The following TMEM163 variants were observed in gnomAD, a reference collection of about 807,000 sequenced individuals.
TMEM163 encodes transmembrane protein 163.
A neutral mutation model predicts 29.3 loss-of-function variants in TMEM163; 17 were observed. That is an observed-to-expected ratio of 0.58 (90% CI 0.40 to 0.87). The LOEUF is 0.87. Among genes scored for constraint, TMEM163 ranks in the 40% least tolerant of loss-of-function variants. The pLI is 0.00. For missense variants in TMEM163, 303 were observed against 381.5 expected (o/e 0.79, Z 1.71); for synonymous variants, 157 against 160.6 (o/e 0.98, Z 0.17).
chr2:134,483,041 A>C (rs1321682727), intron 5 of TMEM163, among the ~76,000 whole-genome samples: 1 of 152,068 alleles, frequency 6.6e-6, no homozygotes, highest in Non-Finnish European at 1.5e-5. Flanking sequence ...GGGTCACAGG[A>C]AGCCACAGCA....
chr2:134,466,652 G>C (rs1185940484), intron 5 of TMEM163: 1 of 163,384 alleles, frequency 6.1e-6, no homozygotes, highest in Non-Finnish European at 1.3e-5. Context: ...TCCTTCAACA[G>C]AGCCAACTGA....
chr2:134,703,769 G>A (rs1227121176), intron 2 of TMEM163, among the ~76,000 whole-genome samples: 2 of 150,514 alleles, frequency 1.3e-5, no homozygotes, highest in Admixed American at 1.3e-4. Flanking sequence ...AGAATGAGGG[G>A]GAAATAAGAG....
intron 4 of TMEM163, among the ~76,000 whole-genome samples, chr2:134,507,529 T>G (rs1327926088): frequency 6.6e-6 from 1 of 152,150 alleles, no homozygotes; most frequent in Admixed American, 6.5e-5. Flanking sequence ...ATCTGTGTTT[T>G]AATAAGCCCT....
At position 134,592,425 on chromosome 2, in the gene TMEM163, TA is replaced by T. The variant is rs199806203; in HGVS notation, c.323-40335del. Among the ~76,000 whole-genome samples the T allele has an allele frequency of 2.1e-3, 321 of 152,324 alleles. 4 individuals carry two copies. The highest frequency in any genetic ancestry group is 0.017 in the Admixed American group (263 of 15,298). ...CAAGGAAATATATTTTGGGTTAAAA[TA>T]TTTTTTTTCCTTCAGGGCCTATCTG... On this transcript the variant is annotated intron_variant, in intron 2 of 7. Coordinates refer to ENST00000281924, the MANE Select transcript of TMEM163 (RefSeq NM_030923.5).
intron 2 of TMEM163, among the ~76,000 whole-genome samples, chr2:134,671,183 C>CCCGTAGCAAATAAGGCAAAGA (rs1428637202): frequency 1.3e-5 from 2 of 152,198 alleles, no homozygotes; most frequent in African/African-American, 4.8e-5. Flanking sequence ...AAGACTGGCA[C>CCCGTAGCAAATAAGGCAAAGA]CTGGCCCGTA....
chr2:134,564,062 C>T (rs538569680), intron 2 of TMEM163, among the ~76,000 whole-genome samples: 157 of 152,090 alleles, frequency 1.0e-3, no homozygotes, highest in Middle Eastern at 3.4e-3. Context: ...GCAGCAGTGG[C>T]GGTGGCAGGG....
chr2:134,602,992 C>T (rs888591502), intron 2 of TMEM163, among the ~76,000 whole-genome samples: 1 of 152,112 alleles, frequency 6.6e-6, no homozygotes, highest in African/African-American at 2.4e-5. Context: ...GGGGTATAGG[C>T]GCTGTCAAGT....
intron 4 of TMEM163, among the ~76,000 whole-genome samples, chr2:134,534,679 G>A (rs937591785): frequency 2.6e-5 from 4 of 152,040 alleles, no homozygotes; most frequent in East Asian, 3.9e-4. Context: ...GCTTGAACCC[G>A]GGAAGTGGAG....
At chr2:134,469,190 C>T (rs1686737010) in intron 5 of TMEM163, 1 of 151,986 alleles carries the variant, frequency 6.6e-6, no homozygotes, top group African/African-American at 2.4e-5. Flanking sequence ...GGACTGAGCT[C>T]CACCGCGGCC....
chr2:134,456,913 T>G, intron 7 of TMEM163, 137 bp from the exon 8 acceptor site: 1 of 848,694 alleles, frequency 1.2e-6, no homozygotes, highest in South Asian at 1.5e-5. Context: ...TGGTTTTTAG[T>G]ATATTCATCC....
intron 2 of TMEM163, among the ~76,000 whole-genome samples, chr2:134,689,547 A>G (rs981785348): frequency 6.6e-5 from 10 of 152,206 alleles, no homozygotes; most frequent in Non-Finnish European, 1.3e-4. Flanking sequence ...CCCACTCCTG[A>G]GAGGCCTGCT....
rs566672361 is a variant in TMEM163 at position 134,659,704 on chromosome 2, G to T, written c.322+53496C>A. Among the ~76,000 whole-genome samples, 3 of 152,276 alleles carry T rather than the reference G, an allele frequency of 2.0e-5. No individual in the cohort carries two copies. The East Asian group carries it at 5.8e-4, about 29-fold the overall frequency. On this transcript the variant is annotated intron_variant, in intron 2 of 7. Coordinates refer to ENST00000281924, the MANE Select transcript of TMEM163 (RefSeq NM_030923.5). Reference sequence around the variant, plus strand: ...GACAAATATTTTAAAAGTCAACAAAGGGCCAGGCACAGCTCACTTGAGGCC... The same window carrying T: ...GACAAATATTTTAAAAGTCAACAAATGGCCAGGCACAGCTCACTTGAGGCC...
chr2:134,634,007 AT>A (rs1683045068), intron 2 of TMEM163, among the ~76,000 whole-genome samples: 1 of 29,458 alleles, frequency 3.4e-5, no homozygotes, highest in African/African-American at 1.4e-4. Flanking sequence ...ATATATATAT[AT>A]ATATATATAT....
At chr2:134,540,646 C>T (rs183556195) in intron 4 of TMEM163, among the ~76,000 whole-genome samples, 1 of 152,196 alleles carries the variant, frequency 6.6e-6, no homozygotes, top group African/African-American at 2.4e-5. Context: ...TCAGAGCAAG[C>T]AAGGCCCCTG....
At chr2:134,681,184 C>T (rs1252487050) in intron 2 of TMEM163, among the ~76,000 whole-genome samples, 1 of 152,210 alleles carries the variant, frequency 6.6e-6, no homozygotes, top group Non-Finnish European at 1.5e-5. Flanking sequence ...TCCAACACAG[C>T]CACCCAGCAG....
chr2:134,539,011 T>C (rs1049957223), intron 4 of TMEM163, among the ~76,000 whole-genome samples: 2 of 152,300 alleles, frequency 1.3e-5, no homozygotes, highest in Admixed American at 1.3e-4. Flanking sequence ...AAAGCTACTT[T>C]ATAAAAACCA....
At chr2:134,677,085 G>T (rs1477030967) in intron 2 of TMEM163, among the ~76,000 whole-genome samples, 1 of 152,118 alleles carries the variant, frequency 6.6e-6, no homozygotes, top group Admixed American at 6.5e-5. Context: ...CACTCCCTGA[G>T]TGTAACTTGT....
chr2:134,711,491 T>A (rs1342158878), intron 2 of TMEM163, among the ~76,000 whole-genome samples: 7 of 152,226 alleles, frequency 4.6e-5, no homozygotes, highest in Non-Finnish European at 1.0e-4. Context: ...TTTTATTGGC[T>A]AGAAGTTAGA....
chr2:134,681,220 T>C (rs1684225125), intron 2 of TMEM163, among the ~76,000 whole-genome samples: 1 of 152,208 alleles, frequency 6.6e-6, no homozygotes, highest in Non-Finnish European at 1.5e-5. Flanking sequence ...AGGGTCACCG[T>C]GGCCATCTCT....
Sources: gnomAD v4.1 joint callset for allele counts (sites outside exome capture counted in the v4.1 genomes callset) on GRCh38, gnomAD v4.1.1 for gene constraint, MANE v1.5 for transcripts, NCBI Gene and HGNC (gene_info 2026-07-23, HGNC 2026-07-21) for gene names.